INSYN2B: variants seen among roughly 807,000 people sequenced by gnomAD.
INSYN2B encodes protein INSYN2B.
A neutral mutation model predicts 41.2 loss-of-function variants in INSYN2B; 16 were observed. The ratio of observed to expected loss-of-function variants is 0.39; its 90% CI spans 0.26 to 0.59. INSYN2B has a LOEUF of 0.59. Among genes scored for constraint, INSYN2B ranks in the 20% least tolerant of loss-of-function variants. The pLI is 0.57. For missense variants in INSYN2B, 608 were observed against 646.4 expected, an observed-to-expected ratio of 0.94 and a Z score of 0.64; for synonymous variants, 245 against 244.4, an observed-to-expected ratio of 1.00 and a Z score of -0.02.
At chr5:169,887,220 A>G (rs1196619340) in intron 1 of INSYN2B, among the ~76,000 whole-genome samples, 3 of 152,180 alleles carry the variant, frequency 2.0e-5, no homozygotes, top group African/African-American at 7.2e-5. Flanking sequence ...GTCAGTCATT[A>G]TTCTGGTGTT....
chr5:169,875,413 G>A, intron 3 of INSYN2B: 2 of 416,006 alleles, frequency 4.8e-6, no homozygotes, highest in Non-Finnish European at 4.8e-6. Flanking sequence ...CGATGCCCTT[G>A]GCTGAGTGGA....
intron 1 of INSYN2B, among the ~76,000 whole-genome samples, chr5:169,910,877 G>T (rs2113618451): frequency 6.6e-6 from 1 of 152,306 alleles, no homozygotes; most frequent in South Asian, 2.1e-4. Context: ...GGTTTCTCCT[G>T]CAGGGGGTTG....
rs56728646 is a variant in INSYN2B at position 169,915,557 on chromosome 5, AACACACACACACACAC to A, written c.-918-30757_-918-30742del. ...GAAAATATTTGAGGAATTGACAGGG[AACACACACACACACAC>A]ACACACACACACACACACACACACA... On this transcript the variant is annotated intron_variant, in intron 1 of 3. Transcript: ENST00000377365. Among the ~76,000 whole-genome samples, 769 of 143,484 alleles carry A rather than the reference AACACACACACACACAC, an allele frequency of 5.4e-3. 3 individuals are homozygous for A. The highest frequency in any genetic ancestry group is 0.012 in the African/African-American group (463 of 38,658). 94.1% of individuals were successfully genotyped at this position (143,484 alleles called of 152,430 possible).
chr5:169,960,971 A>G (rs1229057161), intron 1 of INSYN2B, among the ~76,000 whole-genome samples: 1 of 152,176 alleles, frequency 6.6e-6, no homozygotes, highest in Non-Finnish European at 1.5e-5. Flanking sequence ...GGTTCATAGT[A>G]TATATAGGTT....
At chr5:169,932,727 A>G (rs1317717153) in intron 1 of INSYN2B, among the ~76,000 whole-genome samples, 2 of 152,202 alleles carry the variant, frequency 1.3e-5, no homozygotes, top group Non-Finnish European at 2.9e-5. Context: ...GACTTATATT[A>G]GAAGGGAAAT....
intron 1 of INSYN2B, among the ~76,000 whole-genome samples, chr5:169,910,283 G>T (rs1774521596): frequency 6.6e-6 from 1 of 152,134 alleles, no homozygotes; most frequent in Non-Finnish European, 1.5e-5. Context: ...TTCCAAGCCG[G>T]TTACCACCGC....
chr5:169,913,954 A>G (rs1030194799), intron 1 of INSYN2B, among the ~76,000 whole-genome samples: 6 of 152,226 alleles, frequency 3.9e-5, no homozygotes, highest in Non-Finnish European at 5.9e-5. Flanking sequence ...CTACAGATGA[A>G]GAAATAGGCT....
Position 169,877,012 on chromosome 5 carries a change from CA to C in INSYN2B, c.1421+4355del, listed in dbSNP as rs1409385310. 5.9e-5 allele frequency among the ~76,000 whole-genome samples: 9 copies of C among 152,322 alleles called. No individual in the cohort carries two copies. The East Asian group carries it at 1.7e-3, about 29-fold the overall frequency. On this transcript the variant is annotated intron_variant, in intron 3 of 3. Coordinates refer to ENST00000377365, the MANE Select transcript of INSYN2B (RefSeq NM_001129891.3). ...CAATGCAATAGGATCAGTGACCTAG[CA>C]GATGAGGGCTCATGGCATGGGGGTC...
chr5:169,960,434 G>A (rs1047281661), intron 1 of INSYN2B, among the ~76,000 whole-genome samples: 1 of 152,144 alleles, frequency 6.6e-6, no homozygotes, highest in Non-Finnish European at 1.5e-5. Flanking sequence ...TTTTCAGCCT[G>A]CCATTCATCT....
At chr5:169,903,022 A>G (rs1049541038) in intron 1 of INSYN2B, among the ~76,000 whole-genome samples, 15 of 151,922 alleles carry the variant, frequency 9.9e-5, no homozygotes, top group African/African-American at 3.6e-4. Context: ...CGCTTGAACA[A>G]AGGAGGTGGA....
rs377408888 is a variant in INSYN2B at position 169,923,123 on chromosome 5, A to G, written c.-918-38307T>C. ...GATTGTGCCTAGGCTCTCAGGCTCCAAGGCCTATGCTCCTCACCTCTGTGC... is the reference window on the plus strand; with the variant it reads ...GATTGTGCCTAGGCTCTCAGGCTCCGAGGCCTATGCTCCTCACCTCTGTGC... On this transcript the variant is annotated intron_variant, in intron 1 of 3. Coordinates refer to ENST00000377365, the MANE Select transcript of INSYN2B (RefSeq NM_001129891.3). Among the ~76,000 whole-genome samples, 567 of 152,262 alleles carry G rather than the reference A, an allele frequency of 3.7e-3. 34 individuals are homozygous for G. The South Asian group carries it at 0.11, about 29-fold the overall frequency.
chr5:169,930,308 C>T (rs769394398), intron 1 of INSYN2B, among the ~76,000 whole-genome samples: 5 of 152,298 alleles, frequency 3.3e-5, no homozygotes, highest in South Asian at 2.1e-4. Context: ...ATTTAAATAA[C>T]CACATATGGG....
intron 1 of INSYN2B, among the ~76,000 whole-genome samples, chr5:169,930,090 C>A (rs259890): frequency 0.48 from 72,746 of 151,842 alleles, 17,189 homozygotes; most frequent in East Asian, 0.56. Flanking sequence ...TCCTGGGTTC[C>A]GGTGATTCCC....
chr5:169,918,334 C>A (rs1008757512), intron 1 of INSYN2B, among the ~76,000 whole-genome samples: 1 of 152,122 alleles, frequency 6.6e-6, no homozygotes, highest in African/African-American at 2.4e-5. Context: ...TATAACCCAG[C>A]GATTCTTCTG....
intron 1 of INSYN2B, among the ~76,000 whole-genome samples, chr5:169,932,579 C>T (rs573119109): frequency 4.6e-5 from 7 of 152,234 alleles, no homozygotes; most frequent in East Asian, 3.9e-4. Context: ...AGACCTGGGA[C>T]GCTTGACACT....
intron 1 of INSYN2B, among the ~76,000 whole-genome samples, chr5:169,941,706 GCTGA>G (rs1165558573): frequency 6.6e-6 from 1 of 152,188 alleles, no homozygotes; most frequent in Non-Finnish European, 1.5e-5. Flanking sequence ...AAAAGATCAC[GCTGA>G]CTGTTATGTG....
At chr5:169,953,347 A>AAG (rs1175831719) in intron 1 of INSYN2B, among the ~76,000 whole-genome samples, 24 of 150,960 alleles carry the variant, frequency 1.6e-4, no homozygotes, top group Admixed American at 2.6e-4. Context: ...AAAAAAAAAA[A>AAG]AGAGAGAGAG....
At chr5:169,913,151 A>G (rs261009) in intron 1 of INSYN2B, among the ~76,000 whole-genome samples, 61,910 of 152,028 alleles carry the variant, frequency 0.41, 13,039 homozygotes, top group East Asian at 0.53. Flanking sequence ...TTTAAAGGAC[A>G]ACTATACTTT....
chr5:169,959,413 G>A (rs1333394622), intron 1 of INSYN2B, among the ~76,000 whole-genome samples: 1 of 151,922 alleles, frequency 6.6e-6, no homozygotes, highest in Non-Finnish European at 1.5e-5. Flanking sequence ...ACAACTCTAG[G>A]GGAGTCCAGA....
Sources: gnomAD v4.1 joint callset for allele counts (sites outside exome capture counted in the v4.1 genomes callset) on GRCh38, gnomAD v4.1.1 for gene constraint, MANE v1.5 for transcripts, NCBI Gene and HGNC (gene_info 2026-07-23, HGNC 2026-07-21) for gene names.